Variants in RYR2 observed in about 807,000 individuals in gnomAD.
RYR2 encodes the protein ryanodine receptor 2, also known as cardiac muscle ryanodine receptor-calcium release channel.
In RYR2, 227 loss-of-function variants were observed where a neutral mutation model predicts 601.1. That is an observed-to-expected ratio of 0.38 (90% CI 0.34 to 0.42). The LOEUF (loss-of-function observed/expected upper bound fraction) is 0.42, where lower values mean the gene tolerates loss of function less well. Ranked by LOEUF, RYR2 falls within the 10% of genes least tolerant of loss-of-function variation. The pLI is 1.00. For missense variants in RYR2, 4,646 were observed against 6,156.5 expected (o/e 0.75, Z 8.21); for synonymous variants, 2,223 against 2,175.1 (o/e 1.02, Z -0.61).
chr1:237,635,901 A>G (rs1264342356), intron 44 of RYR2, among the ~76,000 whole-genome samples: 1 of 152,100 alleles, frequency 6.6e-6, no homozygotes, highest in African/African-American at 2.4e-5. Flanking sequence ...TAGTCCAACC[A>G]TCTGCAGTAT....
chr1:237,677,981 C>T, intron 60 of RYR2, 67 bp from the exon 61 acceptor site: 1 of 953,140 alleles, frequency 1.0e-6, no homozygotes, highest in East Asian at 2.5e-5. Context: ...CTAACCTTTG[C>T]ATTATGGATG....
chr1:237,759,078 T>A (rs1226250802), intron 82 of RYR2, among the ~76,000 whole-genome samples: 1 of 152,150 alleles, frequency 6.6e-6, no homozygotes, highest in Non-Finnish European at 1.5e-5. Context: ...CAGATTGTAA[T>A]GCTGTTCGGG....
chr1:237,248,262 A>AC (rs1687071704), intron 1 of RYR2, among the ~76,000 whole-genome samples: 1 of 42,926 alleles, frequency 2.3e-5, no homozygotes. Context: ...ATAGAGCAAG[A>AC]CTCCACCCCC....
rs769753371 is a variant in RYR2 at position 237,806,226 on chromosome 1, T to C, written c.14241T>C (p.Ala4747=). 1 of 1,613,542 alleles carries C rather than the reference T, an allele frequency of 6.2e-7. No homozygotes were observed. Among genetic ancestry groups the C allele is most frequent in the Non-Finnish European group, 8.5e-7 (1 of 1,179,480 alleles). ...FFFAAHLLDI[A]MGFKTLRTIL... ...TTGCCGCTCACCTTCTCGACATTGCTATGGGATTCAAGACATTAAGAACCA... is the reference window on the plus strand; with the variant it reads ...TTGCCGCTCACCTTCTCGACATTGCCATGGGATTCAAGACATTAAGAACCA... The change falls in exon 99 of 105, where the codon GCT becomes GCC. Residue 4747 remains alanine, a synonymous_variant. Coordinates refer to ENST00000366574, the MANE Select transcript of RYR2 (RefSeq NM_001035.3).
At chr1:237,104,270 C>T (rs1668433800) in intron 1 of RYR2, among the ~76,000 whole-genome samples, 1 of 152,182 alleles carries the variant, frequency 6.6e-6, no homozygotes, top group Admixed American at 6.5e-5. Flanking sequence ...AAGCAAGCAT[C>T]CCTCAGTAGG....
intron 48 of RYR2, among the ~76,000 whole-genome samples, chr1:237,647,947 A>G (rs1413533363): frequency 6.6e-6 from 1 of 152,222 alleles, no homozygotes; most frequent in Admixed American, 6.5e-5. Flanking sequence ...TTAATGAAAC[A>G]TATTTCATAT....
chr1:237,548,712 C>A, intron 26 of RYR2, 122 bp downstream of exon 26: 1 of 1,208,114 alleles, frequency 8.3e-7, no homozygotes, highest in South Asian at 1.6e-5. Flanking sequence ...ATATAGTGCA[C>A]ATTTGGACTA....
intron 1 of RYR2, among the ~76,000 whole-genome samples, chr1:237,048,111 G>A (rs1038537006): frequency 6.6e-6 from 1 of 152,106 alleles, no homozygotes. Flanking sequence ...TTCCCTAAGC[G>A]ACTTTCCTTC....
At position 237,248,011 on chromosome 1, in the gene RYR2, T is replaced by C. The variant is rs558485814; in HGVS notation, c.49-22486T>C. Among the ~76,000 whole-genome samples, 11 of 152,194 alleles carry C rather than the reference T, an allele frequency of 7.2e-5. No individual in the cohort carries two copies. In the South Asian group the frequency reaches 1.0e-3, roughly 14 times the overall value. On this transcript the variant is annotated intron_variant, in intron 1 of 104. Coordinates refer to ENST00000366574, the MANE Select transcript of RYR2 (RefSeq NM_001035.3). ...TACATTGGCCGGGCACGGTGGCTTA[T>C]GCCTATAATCCCAGCACTTTGGGAG...
At chr1:237,243,347 A>C (rs114721952) in intron 1 of RYR2, among the ~76,000 whole-genome samples, 2,001 of 152,288 alleles carry the variant, frequency 0.013, 24 homozygotes, top group South Asian at 0.051. Flanking sequence ...TGGGGTTCCC[A>C]TGACCCCCTG....
intron 24 of RYR2, among the ~76,000 whole-genome samples, chr1:237,514,664 G>A (rs551510190): frequency 1.3e-5 from 2 of 152,066 alleles, no homozygotes; most frequent in African/African-American, 2.4e-5. Flanking sequence ...CCAGAGCAGC[G>A]TAGCTAAGAA....
chr1:237,346,188 A>T (rs1219327143), intron 3 of RYR2, among the ~76,000 whole-genome samples: 2 of 151,998 alleles, frequency 1.3e-5, no homozygotes, highest in Non-Finnish European at 1.5e-5. Context: ...CAACATGGCG[A>T]GACTCTGTCT....
chr1:237,492,909 G>A (rs560710244), intron 18 of RYR2, 45 bp from the exon 19 acceptor site: 1 of 1,428,522 alleles, frequency 7.0e-7, no homozygotes, highest in Admixed American at 2.1e-5. Flanking sequence ...GGGAGGGAAA[G>A]CAGGGAGGGA....
chr1:237,673,395 GT>G (rs1247724155), intron 58 of RYR2, among the ~76,000 whole-genome samples: 1 of 151,610 alleles, frequency 6.6e-6, no homozygotes, highest in Non-Finnish European at 1.5e-5. Context: ...CTCCCTATTA[GT>G]TTTTTTAAAT....
At chr1:237,592,375 G>A (rs1372357725) in intron 32 of RYR2, among the ~76,000 whole-genome samples, 4 of 152,170 alleles carry the variant, frequency 2.6e-5, no homozygotes, top group African/African-American at 9.7e-5. Context: ...GCTTAAACCT[G>A]TAATCCCAGT....
intron 100 of RYR2, among the ~76,000 whole-genome samples, chr1:237,810,814 TTTAA>T (rs1233000202): frequency 7.7e-6 from 1 of 130,414 alleles, no homozygotes; most frequent in African/African-American, 2.8e-5. Context: ...TAAATTACAT[TTTAA>T]TTAAATTACA....
chr1:237,782,208 G>A (rs1298020285), intron 89 of RYR2, among the ~76,000 whole-genome samples: 2 of 143,578 alleles, frequency 1.4e-5, no homozygotes, highest in African/African-American at 5.2e-5. Context: ...CCTGTAGCAG[G>A]CAGGAAATGT....
chr1:237,674,181 C>T lies in RYR2; in HGVS notation c.8676C>T (p.Ile2892=). 1 of 1,612,370 alleles carries T rather than the reference C, an allele frequency of 6.2e-7. No homozygotes were observed. Among genetic ancestry groups the T allele is most frequent in the Non-Finnish European group, 8.5e-7 (1 of 1,178,552 alleles). ...KAKDREKAQD[I]LKFLQINGYA... ...AGGATAGAGAAAAAGCACAGGACAT[C>T]CTCAAGTTCTTGCAGATCAATGGAT... The change falls in exon 59 of 105, where the codon ATC becomes ATT. Residue 2892 remains isoleucine, a synonymous_variant. Coordinates refer to ENST00000366574, the MANE Select transcript of RYR2 (RefSeq NM_001035.3).
intron 98 of RYR2, among the ~76,000 whole-genome samples, chr1:237,804,628 C>T (rs1660400932): frequency 6.6e-6 from 1 of 152,034 alleles, no homozygotes; most frequent in Non-Finnish European, 1.5e-5. Context: ...TGTGAATAAT[C>T]AACATTAATT....
Sources: gnomAD v4.1 joint callset for allele counts (sites outside exome capture counted in the v4.1 genomes callset) on GRCh38, gnomAD v4.1.1 for gene constraint, MANE v1.5 for transcripts, NCBI Gene and HGNC (gene_info 2026-07-23, HGNC 2026-07-21) for gene names.